EIF4H: variants seen among roughly 807,000 people sequenced by gnomAD.
EIF4H encodes Williams-Beuren syndrome chromosome region 1.
In EIF4H, 8 loss-of-function variants were observed where a neutral mutation model predicts 30.6. The ratio of observed to expected loss-of-function variants is 0.26; its 90% CI spans 0.15 to 0.47. The LOEUF is 0.47. EIF4H is among the 20% of genes least tolerant of loss of function. EIF4H has a pLI of 0.99. For missense variants in EIF4H, 188 were observed against 339.5 expected, an observed-to-expected ratio of 0.55 and a Z score of 3.51; for synonymous variants, 106 against 122.7, an observed-to-expected ratio of 0.86 and a Z score of 0.90.
intron 5 of EIF4H, among the ~76,000 whole-genome samples, chr7:74,192,897 C>T (rs542636322): frequency 5.1e-4 from 77 of 152,134 alleles, no homozygotes; most frequent in African/African-American, 1.8e-3. Context: ...AGGCTGGTCT[C>T]GAACTCCCAG....
At chr7:74,178,467 C>A (rs1472009334) in intron 1 of EIF4H, among the ~76,000 whole-genome samples, 1 of 151,664 alleles carries the variant, frequency 6.6e-6, no homozygotes, top group Non-Finnish European at 1.5e-5. Flanking sequence ...TTGCTTGAAC[C>A]AGGGAGGCGG....
intron 2 of EIF4H, among the ~76,000 whole-genome samples, chr7:74,188,717 C>T (rs1554709501): frequency 6.6e-6 from 1 of 152,130 alleles, no homozygotes; most frequent in Non-Finnish European, 1.5e-5. Flanking sequence ...TGGGCTGGGT[C>T]AGTCGCTGCA....
intron 2 of EIF4H, 48 bp downstream of exon 2, chr7:74,187,846 G>T: frequency 1.4e-6 from 2 of 1,423,300 alleles, no homozygotes; most frequent in Non-Finnish European, 1.9e-6. Context: ...GTGTAGGGGA[G>T]GATGGGAAGG....
chr7:74,184,870 G>A (rs1031893752), intron 1 of EIF4H, among the ~76,000 whole-genome samples: 16 of 152,138 alleles, frequency 1.1e-4, no homozygotes, highest in African/African-American at 3.6e-4. Flanking sequence ...TAGTAGAGAC[G>A]GAGTTTTACC....
Position 74,190,288 on chromosome 7 carries a change from C to G in EIF4H, c.451C>G (p.Arg151Gly). Residue 151 changes from arginine (R) to glycine (G), a missense_variant, in exon 5 of 7, where the codon CGG becomes GGG. Arg to Gly is a moderately radical substitution (Grantham distance 125, BLOSUM62 -2). This residue lies in a region of EIF4H where 76 missense variants were observed against 85.8 expected (regional missense o/e 0.89). Coordinates refer to ENST00000265753, the MANE Select transcript of EIF4H (RefSeq NM_022170.2). ...SRESRGGWDSRDDFNSGFRDD... is the reference protein window; with the variant it reads ...SRESRGGWDSGDDFNSGFRDD... ...AGAATCTAGAGGTGGATGGGATTCC[C>G]GGGATGACTTCAATTCTGGTATCAG... The G allele has an allele frequency of 6.2e-7, 1 of 1,614,150 alleles. No homozygotes were observed. Among genetic ancestry groups the G allele is most frequent in the South Asian group, 1.1e-5 (1 of 91,088 alleles).
At chr7:74,190,029 C>T (rs1554709685) in intron 4 of EIF4H, 111 bp downstream of exon 4, 4 of 1,284,878 alleles carry the variant, frequency 3.1e-6, no homozygotes, top group Non-Finnish European at 4.3e-6. Flanking sequence ...GTGATAGGTT[C>T]TCGTGAGCTC....
intron 1 of EIF4H, among the ~76,000 whole-genome samples, chr7:74,182,959 T>C (rs147035593): frequency 9.2e-5 from 14 of 152,306 alleles, no homozygotes; most frequent in Admixed American, 5.2e-4. Flanking sequence ...ACTGTTCTCA[T>C]TGCTATCTTC....
intron 1 of EIF4H, among the ~76,000 whole-genome samples, chr7:74,174,767 C>T (rs560322070): frequency 6.6e-6 from 1 of 152,248 alleles, no homozygotes; most frequent in Non-Finnish European, 1.5e-5. Context: ...ATCCCCCCTA[C>T]GGTAGGACCA....
intron 1 of EIF4H, among the ~76,000 whole-genome samples, chr7:74,182,232 TTACCTA>T (rs1467588407): frequency 2.0e-5 from 3 of 152,212 alleles, no homozygotes; most frequent in African/African-American, 7.2e-5. Context: ...TGTATACCCA[TTACCTA>T]CTCTTTAAGT....
At chr7:74,191,117 G>A (rs782776185) in intron 5 of EIF4H, 2 of 526,222 alleles carry the variant, frequency 3.8e-6, no homozygotes, top group Non-Finnish European at 7.7e-6. Context: ...GCTGTCTTGT[G>A]AGTCTGAGAT....
chr7:74,177,350 A>G (rs1187013631), intron 1 of EIF4H, among the ~76,000 whole-genome samples: 3 of 152,248 alleles, frequency 2.0e-5, no homozygotes, highest in African/African-American at 7.2e-5. Flanking sequence ...TAAAATATAC[A>G]TAACATAAAA....
chr7:74,185,554 T>C (rs142265155), intron 1 of EIF4H, among the ~76,000 whole-genome samples: 3 of 152,194 alleles, frequency 2.0e-5, no homozygotes, highest in Non-Finnish European at 2.9e-5. Context: ...TTGTGAATTA[T>C]GAAACTTAAA....
Position 74,180,470 on chromosome 7 carries a change from T to C in EIF4H, c.59+6028T>C, listed in dbSNP as rs184209814. Among the ~76,000 whole-genome samples the C allele has an allele frequency of 1.4e-4, 21 of 152,316 alleles. No homozygotes were observed. The East Asian group carries it at 3.7e-3, about 27-fold the overall frequency. Reference sequence around the variant, plus strand: ...AGGATATTCCTAATTGAAGCTGTGATTTTTCTTCCTATTTTAAATACTTCA... The same window carrying C: ...AGGATATTCCTAATTGAAGCTGTGACTTTTCTTCCTATTTTAAATACTTCA... On this transcript the variant is annotated intron_variant, in intron 1 of 6. Transcript: ENST00000265753.
intron 5 of EIF4H, among the ~76,000 whole-genome samples, chr7:74,193,170 C>G (rs1801263226): frequency 6.6e-6 from 1 of 152,208 alleles, no homozygotes; most frequent in South Asian, 2.1e-4. Flanking sequence ...GAACAGCAGA[C>G]AGCACTTCAC....
At chr7:74,194,031 C>A (rs1647388377) in intron 5 of EIF4H, among the ~76,000 whole-genome samples, 1 of 152,218 alleles carries the variant, frequency 6.6e-6, no homozygotes, top group East Asian at 1.9e-4. Flanking sequence ...TTCAGCATTT[C>A]TAAATGAGAT....
Position 74,190,296 on chromosome 7 carries a change from C to T in EIF4H, c.459C>T (p.Asp153=), listed in dbSNP as rs782033235. 5 of 1,614,160 alleles carry T rather than the reference C, an allele frequency of 3.1e-6. No individual in the cohort carries two copies. The highest frequency in any genetic ancestry group is 3.4e-6 in the Non-Finnish European group (4 of 1,179,990). The part of the protein sequence containing the change: ...ESRGGWDSRD[D]FNSGFRDDFL... ...GAGGTGGATGGGATTCCCGGGATGA[C>T]TTCAATTCTGGTATCAGTATTTAAA... Residue 153 remains aspartate (D), a synonymous_variant, in exon 5 of 7, where the codon GAC becomes GAT. Transcript: ENST00000265753.
intron 1 of EIF4H, among the ~76,000 whole-genome samples, chr7:74,186,333 C>A (rs1415517703): frequency 6.6e-6 from 1 of 151,754 alleles, no homozygotes; most frequent in Non-Finnish European, 1.5e-5. Context: ...CCTGCCTCAG[C>A]CTGCCCAGCA....
chr7:74,180,290 G>A (rs1554708223), intron 1 of EIF4H, among the ~76,000 whole-genome samples: 1 of 152,194 alleles, frequency 6.6e-6, no homozygotes, highest in African/African-American at 2.4e-5. Context: ...ATTAACCATA[G>A]TTTGTTCTAT....
intron 1 of EIF4H, among the ~76,000 whole-genome samples, chr7:74,181,067 ATGGAGTAC>A (rs1216451603): frequency 6.6e-6 from 1 of 152,178 alleles, no homozygotes; most frequent in Non-Finnish European, 1.5e-5. Context: ...ATTTAGTGGC[ATGGAGTAC>A]CTTCATAGTG....
Sources: gnomAD v4.1 joint callset for allele counts (sites outside exome capture counted in the v4.1 genomes callset) on GRCh38, gnomAD v4.1.1 for gene constraint, gnomAD v4.1.1 regional missense constraint, MANE v1.5 for transcripts, NCBI Gene and HGNC (gene_info 2026-07-23, HGNC 2026-07-21) for gene names.